Variants in MYO5B observed in about 807,000 individuals in gnomAD.
MYO5B encodes myosin VB, also known as unconventional myosin-Vb.
A neutral mutation model predicts 229.3 loss-of-function variants in MYO5B; 143 were observed. The ratio of observed to expected loss-of-function variants is 0.62; its 90% CI spans 0.54 to 0.72. The LOEUF (loss-of-function observed/expected upper bound fraction) is 0.72. Ranked by LOEUF, MYO5B falls within the 30% of genes least tolerant of loss-of-function variation. The pLI is 0.00. For missense variants in MYO5B, 2,321 were observed against 2,331.0 expected (o/e 1.00, Z 0.09); for synonymous variants, 918 against 885.2 (o/e 1.04, Z -0.66).
At chr18:50,083,185 A>C (rs1323504936) in intron 1 of MYO5B, among the ~76,000 whole-genome samples, 1 of 152,242 alleles carries the variant, frequency 6.6e-6, no homozygotes, top group Non-Finnish European at 1.5e-5. Context: ...GTATGGGGGA[A>C]GGCACACAGT....
In MYO5B at chr18:50,194,829, G is replaced by A. The variant is rs2033280258; in HGVS notation, c.-36C>T. The A allele has an allele frequency of 1.5e-6, 2 of 1,299,780 alleles. No homozygotes were observed. The highest frequency in any genetic ancestry group is 3.1e-5 in the African/African-American group (2 of 64,356). 80.5% of individuals were successfully genotyped at this position (1,299,780 alleles called of 1,614,324 possible). On this transcript the variant is annotated 5_prime_UTR_variant, in exon 1 of 40. Coordinates refer to ENST00000285039, the MANE Select transcript of MYO5B (RefSeq NM_001080467.3). ...GGGCGGGGCTCGGGCCCCGGCTCCT[G>A]GCTGCCCCGCGGCTCTCAGTCCGCG...
At chr18:50,045,721 C>T (rs977892436) in intron 2 of MYO5B, among the ~76,000 whole-genome samples, 3 of 152,164 alleles carry the variant, frequency 2.0e-5, no homozygotes, top group South Asian at 2.1e-4. Context: ...TTTCACATCA[C>T]ATTTTAAGGG....
rs188994302 is a variant in MYO5B at position 50,016,306 on chromosome 18, G to C, written c.456-14895C>G. On this transcript the variant is annotated intron_variant, in intron 4 of 39. Coordinates refer to ENST00000285039, the MANE Select transcript of MYO5B (RefSeq NM_001080467.3). The stretch of plus-strand genomic sequence containing the variant: ...ATCCTGTGTGAACCCAATTCCTAAG[G>C]GTTTAAGCATTCATTTTATATTTAA... 2.0e-5 allele frequency among the ~76,000 whole-genome samples: 3 copies of C among 152,042 alleles called. No homozygotes were observed. In the East Asian group the frequency reaches 5.8e-4, roughly 29 times the overall value.
intron 2 of MYO5B, among the ~76,000 whole-genome samples, chr18:50,046,482 G>T (rs1048480470): frequency 6.6e-6 from 1 of 152,208 alleles, no homozygotes; most frequent in African/African-American, 2.4e-5. Context: ...ATCTTCAAGG[G>T]TCATTCCAAC....
chr18:50,130,416 C>T (rs1278073313), intron 1 of MYO5B, among the ~76,000 whole-genome samples: 3 of 152,276 alleles, frequency 2.0e-5, no homozygotes. Flanking sequence ...TCCTTAGGGC[C>T]TCCAGAAGGA....
chr18:50,082,704 A>G (rs1188879811), intron 1 of MYO5B, among the ~76,000 whole-genome samples: 1 of 152,136 alleles, frequency 6.6e-6, no homozygotes, highest in Non-Finnish European at 1.5e-5. Context: ...CCATTAGACA[A>G]CGCATGCTTA....
chr18:49,942,690 G>A (rs893522083), intron 14 of MYO5B, among the ~76,000 whole-genome samples: 11 of 151,494 alleles, frequency 7.3e-5, no homozygotes, highest in African/African-American at 2.4e-4. Flanking sequence ...AGTTAGAATG[G>A]CGATCATTAA....
At position 50,047,951 on chromosome 18, in the gene MYO5B, AG is replaced by A. The variant is rs1475545318; in HGVS notation, c.138+7316del. ...CCGGGGACTGTTGTGGGGTGGGGGG[AG>A]GGGGGAGGGATAGCATTAGGAGATA... On this transcript the variant is annotated intron_variant, in intron 2 of 39. Coordinates refer to ENST00000285039, the MANE Select transcript of MYO5B (RefSeq NM_001080467.3). 3.4e-3 allele frequency among the ~76,000 whole-genome samples: 166 copies of A among 49,078 alleles called. 1 individual carries two copies. The highest frequency in any genetic ancestry group is 0.013 in the African/African-American group (160 of 12,182). The allele number at this position is 49,078 out of a possible 152,430, so 32.2% of individuals were successfully genotyped here.
chr18:49,972,890 CT>C (rs943328649), intron 10 of MYO5B, among the ~76,000 whole-genome samples: 8 of 152,028 alleles, frequency 5.3e-5, no homozygotes, highest in Non-Finnish European at 1.5e-5. Flanking sequence ...CTCGGTGATT[CT>C]CCACTGTGTG....
chr18:49,881,493 A>G (rs1224077862), intron 22 of MYO5B, among the ~76,000 whole-genome samples: 1 of 152,236 alleles, frequency 6.6e-6, no homozygotes, highest in East Asian at 1.9e-4. Context: ...GTCTACTCAA[A>G]GAGGAGTAAG....
chr18:50,129,572 C>T (rs2032221383), intron 1 of MYO5B, among the ~76,000 whole-genome samples: 1 of 152,182 alleles, frequency 6.6e-6, no homozygotes, highest in Non-Finnish European at 1.5e-5. Context: ...CAGCCCATTT[C>T]CTAGAGCCTT....
intron 1 of MYO5B, among the ~76,000 whole-genome samples, chr18:50,140,503 G>T (rs1411854261): frequency 6.6e-6 from 1 of 152,204 alleles, no homozygotes; most frequent in Non-Finnish European, 1.5e-5. Flanking sequence ...TTGGAAGAAT[G>T]AGTTGTGTAT....
chr18:49,859,613 G>T (rs2024304069), intron 29 of MYO5B, among the ~76,000 whole-genome samples: 1 of 152,198 alleles, frequency 6.6e-6, no homozygotes, highest in Non-Finnish European at 1.5e-5. Context: ...AACATCTGAG[G>T]CCCTAGGCCT....
chr18:50,122,882 G>A (rs757354686), intron 1 of MYO5B, among the ~76,000 whole-genome samples: 2 of 152,188 alleles, frequency 1.3e-5, no homozygotes, highest in Non-Finnish European at 2.9e-5. Context: ...AATGTAAAAT[G>A]CTGCAGCTGC....
chr18:50,112,275 T>C (rs774798297), intron 1 of MYO5B, among the ~76,000 whole-genome samples: 20 of 152,162 alleles, frequency 1.3e-4, no homozygotes, highest in Non-Finnish European at 2.6e-4. Flanking sequence ...TCCATAACTG[T>C]AGCGAACCAA....
intron 36 of MYO5B, 50 bp from the exon 37 acceptor site, chr18:49,837,852 A>C: frequency 1.9e-6 from 3 of 1,604,194 alleles, no homozygotes; most frequent in Non-Finnish European, 1.7e-6. Flanking sequence ...CTAACAATGC[A>C]AAGATTGGAC....
intron 4 of MYO5B, among the ~76,000 whole-genome samples, chr18:50,018,554 T>A (rs1334746379): frequency 2.0e-5 from 3 of 152,218 alleles, no homozygotes; most frequent in African/African-American, 7.2e-5. Flanking sequence ...TATAGCATCT[T>A]CCGGGTAGGC....
At chr18:49,948,828 C>T (rs1470384412) in intron 14 of MYO5B, among the ~76,000 whole-genome samples, 1 of 152,136 alleles carries the variant, frequency 6.6e-6, no homozygotes, top group Non-Finnish European at 1.5e-5. Context: ...CCTGCGACTC[C>T]TGTGCTGTAA....
chr18:49,936,938 T>C (rs2025257064), intron 15 of MYO5B, among the ~76,000 whole-genome samples: 1 of 152,134 alleles, frequency 6.6e-6, no homozygotes, highest in Non-Finnish European at 1.5e-5. Context: ...CTCTCTAACC[T>C]ATAAATTCCA....
Sources: allele counts gnomAD v4.1 joint callset (sites outside exome capture counted in the v4.1 genomes callset), GRCh38; gene constraint gnomAD v4.1.1; transcripts MANE v1.5; gene names NCBI Gene and HGNC (gene_info 2026-07-23, HGNC 2026-07-21).